VPS54: variants seen among roughly 807,000 people sequenced by gnomAD.
VPS54 encodes VPS54 subunit of GARP complex.
A neutral mutation model predicts 121.5 loss-of-function variants in VPS54; 45 were observed. The observed-to-expected ratio is 0.37, with a 90% CI of 0.29 to 0.47. The LOEUF (loss-of-function observed/expected upper bound fraction) is 0.47. VPS54 is among the 20% of genes least tolerant of loss of function. The probability of loss-of-function intolerance (pLI) is 0.99; values close to 1 mark genes in which losing one functional copy is unlikely to be tolerated. For missense variants in VPS54, 1,090 were observed against 1,131.4 expected, an observed-to-expected ratio of 0.96 and a Z score of 0.52; for synonymous variants, 371 against 385.8, an observed-to-expected ratio of 0.96 and a Z score of 0.45.
intron 7 of VPS54, among the ~76,000 whole-genome samples, chr2:63,960,438 T>A (rs571853528): frequency 2.8e-4 from 43 of 152,080 alleles, no homozygotes; most frequent in Non-Finnish European, 6.0e-4. Flanking sequence ...TATCCAACCC[T>A]CTTCTTAAAA....
chr2:63,961,921 T>C lies in VPS54; in HGVS notation c.1010+137A>G, dbSNP rs1675788658. 4 of 952,892 alleles carry C rather than the reference T, an allele frequency of 4.2e-6. No individual in the cohort carries two copies. The South Asian group carries it at 1.1e-4, about 26-fold the overall frequency. 59.0% of individuals were successfully genotyped at this position (952,892 alleles called of 1,614,324 possible). A position where few individuals can be genotyped will look rare whatever the true frequency, so the allele number is the denominator to read the frequency against. On this transcript the variant is annotated intron_variant, in intron 7 of 22. Coordinates refer to ENST00000272322, the MANE Select transcript of VPS54 (RefSeq NM_016516.3). ...TAATACTACAATATCAGAATAACAT[T>C]ATTAAACAAATGATCAATCTGGAAG...
chr2:64,009,854 T>A (rs1210109289), intron 1 of VPS54, among the ~76,000 whole-genome samples: 3 of 151,898 alleles, frequency 2.0e-5, no homozygotes. Flanking sequence ...ACCCTTTTTT[T>A]TTTTTTTGAG....
At chr2:63,964,626 C>A (rs1325358991) in intron 6 of VPS54, among the ~76,000 whole-genome samples, 1 of 152,126 alleles carries the variant, frequency 6.6e-6, no homozygotes, top group East Asian at 1.9e-4. Flanking sequence ...TTATAGGTGA[C>A]AATGTTGCCA....
chr2:63,946,236 T>C (rs1160735965), intron 9 of VPS54, among the ~76,000 whole-genome samples: 1 of 152,196 alleles, frequency 6.6e-6, no homozygotes, highest in African/African-American at 2.4e-5. Context: ...CATTAATGTA[T>C]AGTATTCCAC....
At chr2:63,905,467 C>T (rs1372360247) in intron 20 of VPS54, among the ~76,000 whole-genome samples, 1 of 151,538 alleles carries the variant, frequency 6.6e-6, no homozygotes, top group Non-Finnish European at 1.5e-5. Flanking sequence ...AAGAAACAAA[C>T]TTCCAAAGTG....
At chr2:63,906,396 G>A (rs762480738) in intron 20 of VPS54, among the ~76,000 whole-genome samples, 7 of 152,050 alleles carry the variant, frequency 4.6e-5, no homozygotes, top group African/African-American at 9.7e-5. Flanking sequence ...AATTGGAAAC[G>A]TAAATCTTAA....
rs1043636057 is a variant in VPS54 at position 63,912,382 on chromosome 2, G to A, written c.2588C>T (p.Ala863Val). 15 of 1,611,070 alleles carry A rather than the reference G, an allele frequency of 9.3e-6. No homozygotes were observed. Among genetic ancestry groups the A allele is most frequent in the Middle Eastern group, 3.3e-4 (2 of 6,032 alleles). ...HIAEISAKLV[A>V]IMDSLFDKLL... ...CTTGTCAAATAAGCTATCCATTATC[G>A]CTACAAGCTTAGCTGATATTTCAGC... The change falls in exon 20 of 23, where the codon GCG becomes GTG. Residue 863 changes from alanine (A) to valine (V), a missense_variant. Ala to Val is a moderately conservative substitution (Grantham distance 64). Around this residue, in one of 2 missense-constraint regions of VPS54, gnomAD observed 289 missense variants for 374.4 expected, o/e 0.77. Transcript: ENST00000272322.
chr2:63,905,724 A>C (rs1455552248), intron 20 of VPS54, among the ~76,000 whole-genome samples: 2 of 152,122 alleles, frequency 1.3e-5, no homozygotes, highest in Non-Finnish European at 2.9e-5. Context: ...TAGGCACTTC[A>C]AAACAAAACA....
intron 1 of VPS54, among the ~76,000 whole-genome samples, chr2:64,005,325 G>A (rs1229169611): frequency 2.7e-5 from 4 of 150,358 alleles, no homozygotes; most frequent in Non-Finnish European, 1.5e-5. Flanking sequence ...AGATGGTCTC[G>A]ATCTCCTGAC....
chr2:63,909,413 CTTTTTTTTTTTTTT>C (rs5831673), intron 20 of VPS54, among the ~76,000 whole-genome samples: 2 of 69,922 alleles, frequency 2.9e-5, no homozygotes, highest in Non-Finnish European at 5.2e-5. Flanking sequence ...TATTAGCTGC[CTTTTTTTTTTTTTT>C]TTTTTTTTTT....
At chr2:63,943,971 A>T (rs1381134997) in intron 10 of VPS54, among the ~76,000 whole-genome samples, 1 of 151,518 alleles carries the variant, frequency 6.6e-6, no homozygotes, top group Non-Finnish European at 1.5e-5. Context: ...GGCTCAAGCG[A>T]TTCTCCCACC....
intron 1 of VPS54, among the ~76,000 whole-genome samples, chr2:63,988,964 A>C (rs1321992774): frequency 6.6e-6 from 1 of 152,164 alleles, no homozygotes; most frequent in Non-Finnish European, 1.5e-5. Flanking sequence ...AAGGAATATT[A>C]ATAATTAACA....
At chr2:63,965,002 A>G (rs1265427175) in intron 6 of VPS54, among the ~76,000 whole-genome samples, 1 of 152,230 alleles carries the variant, frequency 6.6e-6, no homozygotes, top group Admixed American at 6.5e-5. Context: ...GACATTGTAA[A>G]ACGTAAAGAA....
At chr2:63,975,088 C>A in intron 3 of VPS54, 2 of 1,504,522 alleles carry the variant, frequency 1.3e-6, no homozygotes, top group South Asian at 1.2e-5. Context: ...CTCTGTCACC[C>A]AATCTGTAGT....
intron 4 of VPS54, among the ~76,000 whole-genome samples, chr2:63,970,314 A>ATATAG (rs1676226496): frequency 1.6e-5 from 1 of 64,354 alleles, no homozygotes; most frequent in Admixed American, 1.6e-4. Flanking sequence ...GATATAGATA[A>ATATAG]AACCCAGGCC....
chr2:63,958,346 T>C (rs1172612504), intron 7 of VPS54, among the ~76,000 whole-genome samples: 1 of 152,220 alleles, frequency 6.6e-6, no homozygotes, highest in East Asian at 1.9e-4. Context: ...CACGTAAGCA[T>C]TATTTGCTAC....
intron 15 of VPS54, among the ~76,000 whole-genome samples, chr2:63,917,638 G>T (rs1188240824): frequency 6.6e-6 from 1 of 151,932 alleles, no homozygotes; most frequent in African/African-American, 2.4e-5. Context: ...TTTAGGATTT[G>T]TAAATATATT....
chr2:63,931,463 T>A (rs1193855113), intron 12 of VPS54, among the ~76,000 whole-genome samples: 1 of 152,124 alleles, frequency 6.6e-6, no homozygotes, highest in African/African-American at 2.4e-5. Context: ...TGCAGAAAAC[T>A]GAAACTGGAC....
chr2:63,967,099 A>G (rs1169436104), intron 5 of VPS54, among the ~76,000 whole-genome samples: 2 of 152,168 alleles, frequency 1.3e-5, no homozygotes, highest in Non-Finnish European at 2.9e-5. Flanking sequence ...TTAAATTTAT[A>G]GCTTATTTTT....
Sources: allele counts gnomAD v4.1 joint callset (sites outside exome capture counted in the v4.1 genomes callset), GRCh38; gene constraint gnomAD v4.1.1; regional missense constraint gnomAD v4.1.1; transcripts MANE v1.5; gene names NCBI Gene and HGNC (gene_info 2026-07-23, HGNC 2026-07-21).